Variants in SV2C observed in about 807,000 individuals in gnomAD.
SV2C encodes the protein synaptic vesicle glycoprotein 2C, also known as solute carrier family 22 member B3.
SV2C carries 49 observed loss-of-function variants against 79.7 expected under a neutral mutation model. That is an observed-to-expected ratio of 0.61 (90% CI 0.49 to 0.78). The LOEUF (loss-of-function observed/expected upper bound fraction) is 0.78, where lower values mean the gene tolerates loss of function less well. SV2C is among the 30% of genes least tolerant of loss of function. The probability of loss-of-function intolerance (pLI) is 0.00; values close to 1 mark genes in which losing one functional copy is unlikely to be tolerated. For synonymous variants in SV2C, 334 were observed against 333.2 expected, an observed-to-expected ratio of 1.00 and a Z score of -0.03; for missense variants, 833 against 912.9, an observed-to-expected ratio of 0.91 and a Z score of 1.13.
chr5:76,319,964 A>G (rs1748772719), intron 12 of SV2C, among the ~76,000 whole-genome samples: 2 of 152,168 alleles, frequency 1.3e-5, no homozygotes, highest in Admixed American at 1.3e-4. Flanking sequence ...TTACTACTAC[A>G]ACATATATCT....
chr5:76,335,687 A>G (rs1342132121), downstream of SV2C, among the ~76,000 whole-genome samples: 1 of 152,144 alleles, frequency 6.6e-6, no homozygotes, highest in African/African-American at 2.4e-5. Context: ...CCCTTAATCC[A>G]TTTAACCCTG....
At chr5:76,205,337 A>C (rs946671375) in intron 3 of SV2C, among the ~76,000 whole-genome samples, 1 of 152,216 alleles carries the variant, frequency 6.6e-6, no homozygotes, top group African/African-American at 2.4e-5. Flanking sequence ...TGAAATTCCA[A>C]ATATTAACAT....
chr5:75,914,493 G>A, the SV2C span, among the ~76,000 whole-genome samples: 1 of 152,164 alleles, frequency 6.6e-6, no homozygotes, highest in Non-Finnish European at 1.5e-5. Flanking sequence ...CAGAAGCATG[G>A]CCTCCTGATG....
chr5:76,141,334 A>G (rs1749243546), intron 2 of SV2C, among the ~76,000 whole-genome samples: 1 of 152,092 alleles, frequency 6.6e-6, no homozygotes, highest in Non-Finnish European at 1.5e-5. Flanking sequence ...AGATTTCTCT[A>G]TTTCTACACT....
chr5:76,205,467 G>A (rs1380224608), intron 3 of SV2C, among the ~76,000 whole-genome samples: 1 of 152,010 alleles, frequency 6.6e-6, no homozygotes, highest in African/African-American at 2.4e-5. Flanking sequence ...ATTAAGATTT[G>A]ACATTTTTGA....
intron 1 of SV2C, among the ~76,000 whole-genome samples, chr5:76,094,890 G>T: frequency 6.6e-6 from 1 of 152,022 alleles, no homozygotes; most frequent in East Asian, 1.9e-4. Context: ...TCCTAGTGTG[G>T]CTTGTCTTTT....
intron 1 of SV2C, among the ~76,000 whole-genome samples, chr5:76,127,987 T>C (rs1580288609): frequency 6.6e-6 from 1 of 152,160 alleles, no homozygotes; most frequent in Non-Finnish European, 1.5e-5. Context: ...TATGGCTAGG[T>C]CTGTTCCTGG....
At chr5:76,130,922 G>A (rs1479196229) in intron 1 of SV2C, among the ~76,000 whole-genome samples, 1 of 152,126 alleles carries the variant, frequency 6.6e-6, no homozygotes, top group African/African-American at 2.4e-5. Context: ...TGAAGGCCTG[G>A]GGGTAGTTTC....
chr5:76,131,951 T>C lies in SV2C; in HGVS notation c.201T>C (p.Gly67=), dbSNP rs775381978. ...DYYPAGETYN[G]EANDDEGSSE... ...ACCCGGCTGGAGAAACCTATAATGG[T>C]GAGGCCAACGATGACGAAGGCTCAA... Residue 67 remains glycine, a synonymous_variant, in exon 2 of 13, where the codon GGT becomes GGC. Transcript: ENST00000502798. 4.3e-6 allele frequency: 7 copies of C among 1,613,800 alleles called. No homozygotes were observed. In the South Asian group the frequency reaches 7.7e-5, roughly 18 times the overall value.
chr5:76,035,503 A>G, the SV2C span, among the ~76,000 whole-genome samples: 1 of 151,978 alleles, frequency 6.6e-6, no homozygotes, highest in South Asian at 2.1e-4. Context: ...TCATTTCGTT[A>G]TGTACCCAGT....
chr5:75,948,332 CT>C, the SV2C span, among the ~76,000 whole-genome samples: 1 of 152,014 alleles, frequency 6.6e-6, no homozygotes, highest in Non-Finnish European at 1.5e-5. Flanking sequence ...TGCATGGTTT[CT>C]CAGAAATGCA....
chr5:76,062,596 C>A, the SV2C span, among the ~76,000 whole-genome samples: 1 of 150,914 alleles, frequency 6.6e-6, no homozygotes, highest in African/African-American at 2.4e-5. Context: ...TTTACATGAA[C>A]TTCGATATCA....
intron 2 of SV2C, among the ~76,000 whole-genome samples, chr5:76,137,112 G>T (rs183997230): frequency 1.3e-5 from 2 of 152,194 alleles, no homozygotes; most frequent in Non-Finnish European, 2.9e-5. Context: ...ATAGCTGTAC[G>T]TTGGCAATAA....
At chr5:76,133,106 G>A (rs1290786209) in intron 2 of SV2C, among the ~76,000 whole-genome samples, 1 of 152,152 alleles carries the variant, frequency 6.6e-6, no homozygotes, top group Non-Finnish European at 1.5e-5. Flanking sequence ...CACTCTCCGA[G>A]TTTGTGCAAG....
At chr5:76,317,126 T>C (rs1748651758) in intron 12 of SV2C, among the ~76,000 whole-genome samples, 2 of 152,218 alleles carry the variant, frequency 1.3e-5, no homozygotes, top group African/African-American at 2.4e-5. Context: ...CTTGTACTTT[T>C]AGCATTGTAA....
At chr5:76,171,415 G>A (rs1743240817) in intron 2 of SV2C, among the ~76,000 whole-genome samples, 1 of 93,486 alleles carries the variant, frequency 1.1e-5, no homozygotes, top group African/African-American at 3.8e-5. Flanking sequence ...TGTGAGGAGC[G>A]CCTCTGCCCG....
intron 3 of SV2C, among the ~76,000 whole-genome samples, chr5:76,200,235 C>G (rs1302673764): frequency 2.0e-5 from 3 of 152,226 alleles, no homozygotes; most frequent in Non-Finnish European, 4.4e-5. Flanking sequence ...ATAATTGGAA[C>G]AGACCTACTC....
At chr5:75,918,184 C>T in the SV2C span, among the ~76,000 whole-genome samples, 1 of 152,086 alleles carries the variant, frequency 6.6e-6, no homozygotes, top group African/African-American at 2.4e-5. Context: ...GTCACAGAAC[C>T]AGTTATTCGC....
At chr5:76,197,705 G>GATA (rs1248852076) in intron 3 of SV2C, among the ~76,000 whole-genome samples, 30 of 149,112 alleles carry the variant, frequency 2.0e-4, no homozygotes, top group Non-Finnish European at 3.1e-4. Context: ...TAGATAGACA[G>GATA]GCAGATAGAT....
Sources: allele counts gnomAD v4.1 joint callset (sites outside exome capture counted in the v4.1 genomes callset), GRCh38; gene constraint gnomAD v4.1.1; transcripts MANE v1.5; gene names NCBI Gene and HGNC (gene_info 2026-07-23, HGNC 2026-07-21).